MTO1: variants seen among roughly 807,000 people sequenced by gnomAD.
The protein encoded by MTO1 is mitochondrial tRNA translation optimization 1.
In MTO1, 46 loss-of-function variants were observed where a neutral mutation model predicts 71.6. That is an observed-to-expected ratio of 0.64 (90% CI 0.51 to 0.82). The LOEUF (loss-of-function observed/expected upper bound fraction) is 0.82. MTO1 is among the 40% of genes least tolerant of loss of function. MTO1 has a pLI of 0.00. For synonymous variants in MTO1, 297 were observed against 312.1 expected, an observed-to-expected ratio of 0.95 and a Z score of 0.51; for missense variants, 773 against 867.5, an observed-to-expected ratio of 0.89 and a Z score of 1.37.
intron 10 of MTO1, 64 bp downstream of exon 10, chr6:73,492,416 A>G: frequency 9.1e-7 from 1 of 1,096,592 alleles, no homozygotes; most frequent in South Asian, 1.3e-5. Flanking sequence ...TAGACAACAG[A>G]TCCATTATTA....
chr6:73,466,154 G>C, intron 1 of MTO1, 55 bp from the exon 2 acceptor site: 1 of 1,422,980 alleles, frequency 7.0e-7, no homozygotes, highest in South Asian at 1.2e-5. Context: ...TTATTAAGTA[G>C]TCACTATGTG....
intron 5 of MTO1, 38 bp downstream of exon 5, chr6:73,479,882 A>G: frequency 6.2e-7 from 1 of 1,601,044 alleles, no homozygotes; most frequent in Non-Finnish European, 8.6e-7. Context: ...ACTTTAAGGA[A>G]TGACGTCAAT....
In MTO1 at chr6:73,507,880, G is replaced by C. The variant is rs951753514; in HGVS notation, c.*7145G>C. The C allele has an allele frequency of 5.3e-5, 8 of 151,768 alleles. No homozygotes were observed. Among genetic ancestry groups the C allele is most frequent in the Admixed American group, 2.0e-4 (3 of 15,164 alleles). The allele number at this position is 151,768 out of a possible 1,614,324, so 9.4% of individuals were successfully genotyped here. On this transcript the variant is annotated 3_prime_UTR_variant, in exon 12 of 12. Transcript: ENST00000498286. ...TAGTCCCAGCTACTCGGGAGGCTGA[G>C]GCAGGAGAATGGCGTGAAGCCAGGA...
intron 4 of MTO1, among the ~76,000 whole-genome samples, chr6:73,478,409 GC>G (rs931138742): frequency 1.3e-5 from 2 of 150,830 alleles, no homozygotes; most frequent in Admixed American, 6.6e-5. Flanking sequence ...ATGAGACCCT[GC>G]CTGTACAAAA....
chr6:73,486,425 CTATGGATTTGACTAG>C (rs150196766), intron 9 of MTO1, among the ~76,000 whole-genome samples: 29,032 of 151,844 alleles, frequency 0.19, 2,834 homozygotes, highest in Middle Eastern at 0.23. Flanking sequence ...TACTCTGTTT[CTATGGATTTGACTAG>C]AATCATACAG....
At chr6:73,469,617 C>T (rs1771092712) in intron 3 of MTO1, among the ~76,000 whole-genome samples, 1 of 143,974 alleles carries the variant, frequency 6.9e-6, no homozygotes, top group South Asian at 2.4e-4. Flanking sequence ...AGTGAGACTC[C>T]ATCTCTAAAT....
chr6:73,492,956 T>C (rs1417754049), intron 10 of MTO1, among the ~76,000 whole-genome samples: 1 of 131,678 alleles, frequency 7.6e-6, no homozygotes, highest in Non-Finnish European at 1.6e-5. Context: ...TAAATAAATA[T>C]ATATATAATA....
At chr6:73,488,978 G>A (rs970192734) in intron 9 of MTO1, among the ~76,000 whole-genome samples, 2 of 152,154 alleles carry the variant, frequency 1.3e-5, no homozygotes, top group Non-Finnish European at 2.9e-5. Flanking sequence ...TTTTGCTTTT[G>A]TTTCTTGTGC....
At chr6:73,472,458 A>G (rs538076639) in intron 3 of MTO1, among the ~76,000 whole-genome samples, 30 of 152,332 alleles carry the variant, frequency 2.0e-4, no homozygotes, top group Non-Finnish European at 2.9e-5. Context: ...GATTTTAGGT[A>G]CATGTGAATT....
At chr6:73,498,941 A>C (rs1772076342) in intron 11 of MTO1, among the ~76,000 whole-genome samples, 1 of 151,826 alleles carries the variant, frequency 6.6e-6, no homozygotes, top group South Asian at 2.1e-4. Flanking sequence ...GTTGGCTGGG[A>C]TGGTCTCGAT....
At chr6:73,469,772 G>A (rs978859126) in intron 3 of MTO1, among the ~76,000 whole-genome samples, 14 of 152,184 alleles carry the variant, frequency 9.2e-5, no homozygotes, top group African/African-American at 3.1e-4. Context: ...TTAGGAGGCC[G>A]AGGTGGGTGG....
chr6:73,470,162 G>C (rs796519948), intron 3 of MTO1, among the ~76,000 whole-genome samples: 23 of 151,988 alleles, frequency 1.5e-4, no homozygotes, highest in African/African-American at 5.3e-4. Context: ...GTGCCAGGGA[G>C]TGTCATCTTT....
chr6:73,480,336 G>T (rs1452180271), intron 6 of MTO1: 3 of 702,692 alleles, frequency 4.3e-6, no homozygotes, highest in Non-Finnish European at 7.6e-6. Flanking sequence ...GCAATGGTGC[G>T]ATCTCGGCTC....
rs765821061 is a variant in MTO1 at position 73,462,141 on chromosome 6, G to A, written c.217+70G>A. On this transcript the variant is annotated intron_variant, in intron 1 of 11. Transcript: ENST00000498286. ...GCTTCCTTCCCGCCTCCCCCGGTCT[G>A]AAGCGGGGGACCTCTTCCTTTCCTC... The A allele has an allele frequency of 1.0e-4, 150 of 1,500,568 alleles. 1 individual carries two copies. The highest frequency in any genetic ancestry group is 8.2e-4 in the South Asian group (72 of 88,232). 93.0% of individuals were successfully genotyped at this position (1,500,568 alleles called of 1,614,324 possible).
rs149664671 is a variant in MTO1 at position 73,476,285 on chromosome 6, A to G, written c.825+2631A>G. 2.8e-3 allele frequency among the ~76,000 whole-genome samples: 422 copies of G among 151,822 alleles called. 4 individuals are homozygous for G. Among genetic ancestry groups the G allele is most frequent in the East Asian group, 0.02 (102 of 5,150 alleles). On this transcript the variant is annotated intron_variant, in intron 4 of 11. Transcript: ENST00000498286. ...GCTACTCGGGAGGCTGAGGCAGGAA[A>G]ATTGCTCGAACCTGGGAGGCAGAGG...
intron 9 of MTO1, 77 bp from the exon 10 acceptor site, chr6:73,492,157 A>G (rs1771827065): frequency 3.3e-6 from 3 of 903,066 alleles, no homozygotes. Flanking sequence ...ATCTGATATT[A>G]TTTCAAAGAA....
At chr6:73,485,257 T>A (rs1771618834) in intron 9 of MTO1, among the ~76,000 whole-genome samples, 1 of 152,078 alleles carries the variant, frequency 6.6e-6, no homozygotes, top group African/African-American at 2.4e-5. Context: ...ATCAGCTATG[T>A]TTTTACCATA....
At chr6:73,490,383 G>C (rs4440422) in intron 9 of MTO1, among the ~76,000 whole-genome samples, 20,616 of 152,158 alleles carry the variant, frequency 0.14, 1,775 homozygotes, top group East Asian at 0.2. Flanking sequence ...GTCCTAAATG[G>C]TGTTGCCTAG....
intron 8 of MTO1, 66 bp downstream of exon 8, chr6:73,482,310 T>C: frequency 1.9e-6 from 3 of 1,583,310 alleles, no homozygotes; most frequent in Non-Finnish European, 2.6e-6. Context: ...TCCAAGCAAT[T>C]TGAGAGACCA....
Sources: allele counts gnomAD v4.1 joint callset (sites outside exome capture counted in the v4.1 genomes callset), GRCh38; gene constraint gnomAD v4.1.1; transcripts MANE v1.5; gene names NCBI Gene and HGNC (gene_info 2026-07-23, HGNC 2026-07-21).